The following CDH18 variants were observed in gnomAD, a reference collection of about 807,000 sequenced individuals.
CDH18 encodes the protein cadherin 18, also known as cadherin-18.
In CDH18, 31 loss-of-function variants were observed where a neutral mutation model predicts 67.9. The observed-to-expected ratio is 0.46, with a 90% CI of 0.34 to 0.62. The LOEUF (loss-of-function observed/expected upper bound fraction) is 0.62. CDH18 is among the 20% of genes least tolerant of loss of function. CDH18 has a pLI of 0.01. For synonymous variants in CDH18, 362 were observed against 347.2 expected (o/e 1.04, Z -0.48); for missense variants, 890 against 975.5 (o/e 0.91, Z 1.17).
At chr5:19,557,959 T>G (rs1435938536) in intron 8 of CDH18, among the ~76,000 whole-genome samples, 1 of 151,976 alleles carries the variant, frequency 6.6e-6, no homozygotes, top group Non-Finnish European at 1.5e-5. Context: ...CAAACCATAT[T>G]GGAATAAAAT....
At chr5:19,599,367 A>T (rs1417608618) in intron 6 of CDH18, among the ~76,000 whole-genome samples, 1 of 152,166 alleles carries the variant, frequency 6.6e-6, no homozygotes, top group Non-Finnish European at 1.5e-5. Flanking sequence ...TGTATTTTCA[A>T]AATGCAAGAA....
At chr5:20,461,604 C>T in intron 1 of CDH18, among the ~76,000 whole-genome samples, 1 of 152,046 alleles carries the variant, frequency 6.6e-6, no homozygotes, top group East Asian at 1.9e-4. Flanking sequence ...GCTTATCAAA[C>T]CTCTTCTTTC....
rs140133687 is a variant in CDH18, at chr5:19,957,104, T to C, written c.-257+23956A>G. ...TTAGTAAAGTGCTGCAAAGTCCTTT[T>C]TGTATGTTTCACGTCCCATAGAATT... On this transcript the variant is annotated intron_variant, in intron 2 of 12. Coordinates refer to ENST00000382275, the MANE Select transcript of CDH18 (RefSeq NM_004934.5). Among the ~76,000 whole-genome samples, 337 of 152,060 alleles carry C rather than the reference T, an allele frequency of 2.2e-3. 3 individuals are homozygous for C. The highest frequency in any genetic ancestry group is 7.5e-3 in the African/African-American group (311 of 41,484).
At chr5:19,689,762 T>G (rs768688029) in intron 5 of CDH18, among the ~76,000 whole-genome samples, 7 of 151,870 alleles carry the variant, frequency 4.6e-5, no homozygotes, top group Non-Finnish European at 1.0e-4. Context: ...GAATAAGTCC[T>G]CAAATATCAA....
At chr5:19,583,403 A>T (rs1743593851) in intron 7 of CDH18, among the ~76,000 whole-genome samples, 1 of 152,136 alleles carries the variant, frequency 6.6e-6, no homozygotes, top group African/African-American at 2.4e-5. Flanking sequence ...TTTAACGTAA[A>T]CTTAAAAAAA....
intron 6 of CDH18, among the ~76,000 whole-genome samples, chr5:19,605,472 C>A (rs1747881076): frequency 6.6e-6 from 1 of 151,814 alleles, no homozygotes; most frequent in Non-Finnish European, 1.5e-5. Flanking sequence ...TTTTAGAGTT[C>A]ATCCTTTCAA....
chr5:19,497,569 C>T (rs1037435365), intron 11 of CDH18, among the ~76,000 whole-genome samples: 1 of 152,148 alleles, frequency 6.6e-6, no homozygotes, highest in Non-Finnish European at 1.5e-5. Flanking sequence ...CAGGAAAGAT[C>T]CCATGGGAAT....
intron 1 of CDH18, among the ~76,000 whole-genome samples, chr5:20,330,004 G>C (rs1739013190): frequency 6.6e-6 from 1 of 151,654 alleles, no homozygotes; most frequent in African/African-American, 2.4e-5. Context: ...ATAAAATTCA[G>C]ATACAAATAA....
chr5:20,208,733 T>C (rs991670637), intron 2 of CDH18, among the ~76,000 whole-genome samples: 1 of 152,036 alleles, frequency 6.6e-6, no homozygotes, highest in East Asian at 1.9e-4. Context: ...GATTACATCA[T>C]GGTAAAATGC....
At chr5:20,254,896 A>G (rs1744113833) in intron 2 of CDH18, among the ~76,000 whole-genome samples, 1 of 152,222 alleles carries the variant, frequency 6.6e-6, no homozygotes. Context: ...GGATAAAAAA[A>G]AAATGTGGTA....
intron 1 of CDH18, among the ~76,000 whole-genome samples, chr5:20,375,377 G>T (rs900735963): frequency 2.0e-5 from 3 of 152,154 alleles, no homozygotes; most frequent in Non-Finnish European, 2.9e-5. Context: ...ACATGTAATA[G>T]AACTGACAAC....
intron 1 of CDH18, among the ~76,000 whole-genome samples, chr5:20,477,349 T>C (rs1056620505): frequency 6.6e-6 from 1 of 152,096 alleles, no homozygotes; most frequent in Non-Finnish European, 1.5e-5. Context: ...GCAATAACAG[T>C]ACCTGGTTTT....
At chr5:20,363,090 G>T (rs1001399944) in intron 1 of CDH18, among the ~76,000 whole-genome samples, 3 of 152,128 alleles carry the variant, frequency 2.0e-5, no homozygotes, top group Non-Finnish European at 4.4e-5. Flanking sequence ...CTCTAGCCTG[G>T]ATTGTGTCCA....
At chr5:20,342,752 A>G (rs909925600) in intron 1 of CDH18, among the ~76,000 whole-genome samples, 1 of 152,208 alleles carries the variant, frequency 6.6e-6, no homozygotes, top group Non-Finnish European at 1.5e-5. Context: ...GAGTTAAAAA[A>G]GGTTCTAATA....
intron 11 of CDH18, among the ~76,000 whole-genome samples, chr5:19,488,957 T>C (rs1031855364): frequency 3.3e-5 from 5 of 152,146 alleles, no homozygotes; most frequent in African/African-American, 1.2e-4. Flanking sequence ...CTTGTCTTTC[T>C]GCCAAACTAC....
Position 19,473,386 on chromosome 5 carries a change from T to C in CDH18, c.2213A>G (p.Tyr738Cys), listed in dbSNP as rs1303963251. The C allele has an allele frequency of 3.1e-6, 5 of 1,613,792 alleles. No individual in the cohort carries two copies. The highest frequency in any genetic ancestry group is 3.4e-6 in the Non-Finnish European group (4 of 1,179,908). The change falls in exon 13 of 13, where the codon TAT (tyrosine) becomes TGT (cysteine). Residue 738 changes from tyrosine (Y) to cysteine (C), a missense_variant. Tyr to Cys is a radical substitution (Grantham distance 194, BLOSUM62 -2). This residue lies in a region of CDH18 where 656 missense variants were observed against 668.1 expected (regional missense o/e 0.98). Coordinates refer to ENST00000382275, the MANE Select transcript of CDH18 (RefSeq NM_004934.5). ...TTCTGATCTCTGACCCTCATAGGCA[T>C]AAGTCTGAAGAGAGTCATAAGGGGG... ...SVPPYDSLQT[Y>C]AYEGQRSEAG...
intron 6 of CDH18, among the ~76,000 whole-genome samples, chr5:19,603,846 A>AAT (rs1747577985): frequency 6.7e-6 from 1 of 149,332 alleles, no homozygotes; most frequent in African/African-American, 2.4e-5. Flanking sequence ...ACATAAATAA[A>AAT]ATATATATAA....
At chr5:20,086,654 C>T (rs1744978165) in intron 2 of CDH18, among the ~76,000 whole-genome samples, 1 of 152,154 alleles carries the variant, frequency 6.6e-6, no homozygotes, top group African/African-American at 2.4e-5. Flanking sequence ...GCTAAATCTA[C>T]TCTGTACTCT....
At chr5:20,185,315 A>C (rs1561859567) in intron 2 of CDH18, among the ~76,000 whole-genome samples, 1 of 152,030 alleles carries the variant, frequency 6.6e-6, no homozygotes, top group African/African-American at 2.4e-5. Context: ...CTACGTGATC[A>C]ATCTGTATGC....
Sources: gnomAD v4.1 joint callset for allele counts (sites outside exome capture counted in the v4.1 genomes callset) on GRCh38, gnomAD v4.1.1 for gene constraint, gnomAD v4.1.1 regional missense constraint, MANE v1.5 for transcripts, NCBI Gene and HGNC (gene_info 2026-07-23, HGNC 2026-07-21) for gene names.